Variants in MAPKBP1 observed in about 807,000 individuals in gnomAD.
MAPKBP1 encodes mitogen-activated protein kinase-binding protein 1.
A neutral mutation model predicts 170.5 loss-of-function variants in MAPKBP1; 71 were observed. The ratio of observed to expected loss-of-function variants is 0.42; its 90% CI spans 0.34 to 0.51. The LOEUF (loss-of-function observed/expected upper bound fraction) is 0.51, where lower values mean the gene tolerates loss of function less well. MAPKBP1 is among the 20% of genes least tolerant of loss of function. The pLI, the probability that MAPKBP1 is intolerant of heterozygous loss-of-function variation, is 0.06. For synonymous variants in MAPKBP1, 719 were observed against 757.9 expected, an observed-to-expected ratio of 0.95 and a Z score of 0.84; for missense variants, 1,598 against 1,933.0, an observed-to-expected ratio of 0.83 and a Z score of 3.25.
Position 41,823,989 on chromosome 15 carries a change from C to G in MAPKBP1, c.4141C>G (p.Pro1381Ala). 1 of 1,613,604 alleles carries G rather than the reference C, an allele frequency of 6.2e-7. No individual in the cohort carries two copies. Among genetic ancestry groups the G allele is most frequent in the Non-Finnish European group, 8.5e-7 (1 of 1,179,998 alleles). The change falls in exon 29 of 31, where the codon CCC (proline) becomes GCC (alanine). Residue 1381 changes from proline (P) to alanine (A), a missense_variant. Pro to Ala is a conservative substitution (Grantham distance 27). This residue lies in a region of MAPKBP1 where 942 missense variants were observed against 953.2 expected (regional missense o/e 0.99). Coordinates refer to ENST00000457542, the MANE Select transcript of MAPKBP1 (RefSeq NM_014994.3). ...SLFQGPENLQ[P>A]PPPEKTPNPM... The stretch of plus-strand genomic sequence containing the variant: ...CTTCCAAGGCCCTGAAAACTTGCAG[C>G]CCCCACCCCCTGAGAAGACTCCCAA...
In MAPKBP1 at chr15:41,821,016, C is replaced by T; in HGVS notation, c.2666C>T (p.Ser889Phe). The T allele has an allele frequency of 6.2e-7, 1 of 1,614,214 alleles. No homozygotes were observed. The highest frequency in any genetic ancestry group is 8.5e-7 in the Non-Finnish European group (1 of 1,180,040). ...PSQDSLAIIP[S>F]GPRKHGQEAL... The stretch of plus-strand genomic sequence containing the variant: ...CAGGACTCGCTGGCCATCATCCCAT[C>T]TGGTCCCAGGAAGCATGGGCAGGAG... Residue 889 changes from serine (S) to phenylalanine (F), a missense_variant, in exon 23 of 31, where the codon TCT becomes TTT. Physicochemically the swap from Ser to Phe is radical, Grantham distance 155. This residue lies in a region of MAPKBP1 where 942 missense variants were observed against 953.2 expected (regional missense o/e 0.99). Coordinates refer to ENST00000457542, the MANE Select transcript of MAPKBP1 (RefSeq NM_014994.3).
intron 3 of MAPKBP1, among the ~76,000 whole-genome samples, chr15:41,803,911 G>T (rs2064645605): frequency 6.6e-6 from 1 of 151,942 alleles, no homozygotes; most frequent in Non-Finnish European, 1.5e-5. Flanking sequence ...CACGATCTCA[G>T]CTCACCGCAA....
At position 41,818,048 on chromosome 15, in the gene MAPKBP1, T is replaced by C. The variant is rs780160402; in HGVS notation, c.1944T>C (p.Phe648=). ...GCAGTGGAAAGCAGAAGAAGCTGTTTAAAGGGTCACAGGGTGAGGACGGCA... is the reference window on the plus strand; with the variant it reads ...GCAGTGGAAAGCAGAAGAAGCTGTTCAAAGGGTCACAGGGTGAGGACGGCA... The part of the protein sequence containing the change: ...NISSGKQKKL[F]KGSQGEDGTL... The change falls in exon 17 of 31, where the codon TTT becomes TTC. Residue 648 remains phenylalanine (F), a synonymous_variant. Transcript: ENST00000457542. This position sits in a 1 kb window ranked among gnomAD's most constrained non-coding sequence, Gnocchi z 5.2. 4.3e-6 allele frequency: 7 copies of C among 1,613,964 alleles called. No homozygotes were observed. Among genetic ancestry groups the C allele is most frequent in the African/African-American group, 1.3e-5 (1 of 74,868 alleles).
At position 41,818,317 on chromosome 15, in the gene MAPKBP1, C is replaced by T. The variant is rs887073391; in HGVS notation, c.2092+12C>T. 7 of 1,605,614 alleles carry T rather than the reference C, an allele frequency of 4.4e-6. No homozygotes were observed. The highest frequency in any genetic ancestry group is 6.0e-6 in the Non-Finnish European group (7 of 1,172,496). On this transcript the variant is annotated intron_variant, in intron 18 of 30. Transcript: ENST00000457542. The surrounding 1 kb of genome is among the most constrained non-coding windows in gnomAD (Gnocchi z 5.2). ...GTTTGGCCACTCAGGTGAGTGTAGC[C>T]TGAATCCCCGAGTAGAAGCTGATAC...
Position 41,818,049 on chromosome 15 carries a change from A to C in MAPKBP1, c.1945A>C (p.Lys649Gln). 6.2e-7 allele frequency: 1 copy of C among 1,614,126 alleles called. No homozygotes were observed. Among genetic ancestry groups the C allele is most frequent in the Non-Finnish European group, 8.5e-7 (1 of 1,180,006 alleles). Residue 649 changes from lysine to glutamine, a missense_variant, in exon 17 of 31, where the codon AAA (lysine) becomes CAA (glutamine). Transcript: ENST00000457542. The surrounding 1 kb of genome is among the most constrained non-coding windows in gnomAD (Gnocchi z 5.2). ...ISSGKQKKLF[K>Q]GSQGEDGTLI... is the part of the protein sequence containing the mutation. ...CAGTGGAAAGCAGAAGAAGCTGTTT[A>C]AAGGGTCACAGGGTGAGGACGGCAC...
intron 2 of MAPKBP1, among the ~76,000 whole-genome samples, chr15:41,782,349 C>A (rs1036253865): frequency 6.6e-6 from 1 of 151,652 alleles, no homozygotes; most frequent in South Asian, 2.1e-4. Flanking sequence ...TAAATGATTT[C>A]CCCGTGTAAC....
rs752154153 is a variant in MAPKBP1, at chr15:41,818,125, A to G, written c.1980+41A>G. 3 of 1,611,342 alleles carry G rather than the reference A, an allele frequency of 1.9e-6. No individual in the cohort carries two copies. The South Asian group carries it at 3.3e-5, about 18-fold the overall frequency. On this transcript the variant is annotated intron_variant, in intron 17 of 30. Transcript: ENST00000457542. This position sits in a 1 kb window ranked among gnomAD's most constrained non-coding sequence, Gnocchi z 5.2. ...GGGTACTGGACAGGGGCTCGGGGAC[A>G]GAGTGGTGCTGGGTGGGAGGGACTG...
At position 41,775,365 on chromosome 15, in the gene MAPKBP1, C is replaced by A; in HGVS notation, c.90C>A (p.Asn30Lys). The change falls in exon 2 of 31, where the codon AAC becomes AAA. Residue 30 changes from asparagine (N) to lysine (K), a missense_variant. Coordinates refer to ENST00000457542, the MANE Select transcript of MAPKBP1 (RefSeq NM_014994.3). ...SIKLRRSKAG[N>K]RREDLSSKVT... ...AACTGCGCAGGAGTAAGGCAGGAAA[C>A]CGACGAGAGGACCTCAGCTCCAAGG... is the stretch of plus-strand genomic sequence containing the variant. 1 of 1,614,180 alleles carries A rather than the reference C, an allele frequency of 6.2e-7. No individual in the cohort carries two copies. The highest frequency in any genetic ancestry group is 1.3e-5 in the African/African-American group (1 of 75,042).
At position 41,820,885 on chromosome 15, in the gene MAPKBP1, CAGA is replaced by C. The variant is rs778023198; in HGVS notation, c.2542_2544del (p.Arg848del). Reference sequence around the variant, plus strand: ...CAGCTCCTGCAGCCAACCCAGGACCCAGAAGAAGAGGGCGCTGGGTTCAGCCAG... The same window carrying C: ...CAGCTCCTGCAGCCAACCCAGGACCCAGAAGAGGGCGCTGGGTTCAGCCAG... On this transcript the variant is annotated inframe_deletion, in exon 23 of 31. Transcript: ENST00000457542. The C allele has an allele frequency of 2.4e-5, 38 of 1,614,020 alleles. No homozygotes were observed. Among genetic ancestry groups the C allele is most frequent in the Non-Finnish European group, 3.1e-5 (37 of 1,180,018 alleles).
intron 2 of MAPKBP1, among the ~76,000 whole-genome samples, chr15:41,779,358 G>A (rs1437104426): frequency 1.3e-5 from 2 of 152,086 alleles, no homozygotes; most frequent in Non-Finnish European, 2.9e-5. Context: ...TTACAGGCGC[G>A]TGCCACCACG....
In MAPKBP1 at chr15:41,799,939, C is replaced by T. The variant is rs543899170; in HGVS notation, c.206+25C>T. The T allele has an allele frequency of 2.9e-4, 463 of 1,602,302 alleles. 3 individuals are homozygous for T. The South Asian group carries it at 4.7e-3, about 16-fold the overall frequency. Reference sequence around the variant, plus strand: ...GGTAAGTAAGCGCCTTGGAAGAGATCTTGATGCATGGGAATTTATAGCCAC... The same window carrying T: ...GGTAAGTAAGCGCCTTGGAAGAGATTTTGATGCATGGGAATTTATAGCCAC... On this transcript the variant is annotated intron_variant, in intron 3 of 30. Coordinates refer to ENST00000457542, the MANE Select transcript of MAPKBP1 (RefSeq NM_014994.3).
At chr15:41,777,287 G>A (rs2064113971) in intron 2 of MAPKBP1, among the ~76,000 whole-genome samples, 1 of 151,084 alleles carries the variant, frequency 6.6e-6, no homozygotes, top group Admixed American at 6.6e-5. Context: ...GTTGCAGTGA[G>A]CTCAGATCCT....
At chr15:41,789,274 A>G (rs1326773720) in intron 2 of MAPKBP1, among the ~76,000 whole-genome samples, 1 of 139,692 alleles carries the variant, frequency 7.2e-6, no homozygotes, top group Admixed American at 7.7e-5. Context: ...AGTACTGTAG[A>G]GAGGACTGAC....
intron 12 of MAPKBP1, 142 bp from the exon 13 acceptor site, chr15:41,816,417 C>T: frequency 1.6e-6 from 1 of 607,832 alleles, no homozygotes; most frequent in Non-Finnish European, 3.0e-6. Context: ...AATATAGACG[C>T]TCTCTGTTCT....
intron 20 of MAPKBP1, 135 bp from the exon 21 acceptor site, chr15:41,819,111 C>T (rs996240701): frequency 2.1e-6 from 3 of 1,434,436 alleles, no homozygotes; most frequent in Non-Finnish European, 2.9e-6. Context: ...AGCCTCTTCC[C>T]CCTGTTGAGT....
intron 12 of MAPKBP1, 148 bp from the exon 13 acceptor site, chr15:41,816,411 T>G (rs747805576): frequency 8.3e-6 from 5 of 600,266 alleles, no homozygotes; most frequent in Non-Finnish European, 1.5e-5. Context: ...AAGGGAAATA[T>G]AGACGCTCTC....
intron 1 of MAPKBP1, 172 bp from the exon 2 acceptor site, chr15:41,774,995 A>AT: frequency 4.2e-6 from 2 of 481,180 alleles, no homozygotes; most frequent in Non-Finnish European, 7.3e-6. Context: ...GTGGCTTAGG[A>AT]TTTTCCCCCC....
Position 41,821,768 on chromosome 15 carries a change from G to A in MAPKBP1, c.2885+18G>A. Reference sequence around the variant, plus strand: ...GATACCAGGCAAGGATCCTGCCCTAGCCAGACCCCGTGCCCCCGTCTTCCC... The same window carrying A: ...GATACCAGGCAAGGATCCTGCCCTAACCAGACCCCGTGCCCCCGTCTTCCC... On this transcript the variant is annotated intron_variant, in intron 24 of 30. Transcript: ENST00000457542. 6.2e-7 allele frequency: 1 copy of A among 1,611,604 alleles called. No homozygotes were observed. The highest frequency in any genetic ancestry group is 8.5e-7 in the Non-Finnish European group (1 of 1,179,496).
In MAPKBP1 at chr15:41,822,255, A is replaced by G. The variant is rs1173716708; in HGVS notation, c.3062A>G (p.Asp1021Gly). 1 of 1,613,964 alleles carries G rather than the reference A, an allele frequency of 6.2e-7. No homozygotes were observed. The highest frequency in any genetic ancestry group is 1.3e-5 in the African/African-American group (1 of 75,034). ...DSESTEPLSV[D>G]GISSDLEEPA... is the part of the protein sequence containing the mutation. The stretch of plus-strand genomic sequence containing the variant: ...GAGAGCACGGAGCCCCTCAGTGTGG[A>G]TGGCATCTCCTCAGACCTTGAAGAG... Residue 1021 changes from aspartate (D) to glycine (G), a missense_variant, in exon 26 of 31, where the codon GAT becomes GGT. This residue lies in a region of MAPKBP1 where 942 missense variants were observed against 953.2 expected (regional missense o/e 0.99). Transcript: ENST00000457542.
Sources: allele counts gnomAD v4.1 joint callset (sites outside exome capture counted in the v4.1 genomes callset), GRCh38; gene constraint gnomAD v4.1.1; regional missense constraint gnomAD v4.1.1; non-coding constraint Gnocchi (gnomAD v3.1); transcripts MANE v1.5; gene names NCBI Gene and HGNC (gene_info 2026-07-23, HGNC 2026-07-21).